GRIN2B: variants seen among roughly 807,000 people sequenced by gnomAD.
The protein encoded by GRIN2B is glutamate receptor ionotropic, NMDA 2B.
GRIN2B carries 5 observed loss-of-function variants against 114.5 expected under a neutral mutation model. The ratio of observed to expected loss-of-function variants is 0.04; its 90% CI spans 0.02 to 0.09. GRIN2B has a LOEUF of 0.09. GRIN2B is among the 10% of genes least tolerant of loss of function. GRIN2B has a pLI of 1.00. For missense variants in GRIN2B, 1,108 were observed against 1,943.5 expected, an observed-to-expected ratio of 0.57 and a Z score of 8.08; for synonymous variants, 787 against 745.1, an observed-to-expected ratio of 1.06 and a Z score of -0.92.
At chr12:13,723,141 TTG>T (rs200799612) in intron 4 of GRIN2B, among the ~76,000 whole-genome samples, 11,580 of 151,048 alleles carry the variant, frequency 0.077, 526 homozygotes, top group East Asian at 0.19. Context: ...CCTTTTTTTT[TTG>T]TTTTTTATTA....
intron 3 of GRIN2B, among the ~76,000 whole-genome samples, chr12:13,825,343 A>G (rs1282720737): frequency 6.6e-6 from 1 of 151,636 alleles, no homozygotes; most frequent in Non-Finnish European, 1.5e-5. Context: ...ATTTGATAGA[A>G]TATTTTCTAC....
intron 10 of GRIN2B, among the ~76,000 whole-genome samples, chr12:13,577,751 T>C (rs7138270): frequency 0.012 from 1,832 of 152,310 alleles, 36 homozygotes; most frequent in African/African-American, 0.041. Context: ...TTGGCAAATA[T>C]TTGCCCAGCA....
intron 5 of GRIN2B, among the ~76,000 whole-genome samples, chr12:13,630,097 A>G (rs1028009562): frequency 6.6e-6 from 1 of 152,210 alleles, no homozygotes; most frequent in Non-Finnish European, 1.5e-5. Context: ...TTTATCCCCA[A>G]TACCTAGCAT....
chr12:13,661,335 A>G (rs1171664757), intron 5 of GRIN2B, among the ~76,000 whole-genome samples: 1 of 152,150 alleles, frequency 6.6e-6, no homozygotes, highest in Non-Finnish European at 1.5e-5. Context: ...TCTGTATTTC[A>G]TTGTCTGACA....
intron 3 of GRIN2B, among the ~76,000 whole-genome samples, chr12:13,817,824 A>G (rs949396681): frequency 2.6e-5 from 4 of 152,198 alleles, no homozygotes; most frequent in Non-Finnish European, 5.9e-5. Context: ...CATTATTTCT[A>G]TACCTGAAAA....
At chr12:13,751,705 CCA>C (rs1863486172) in intron 4 of GRIN2B, among the ~76,000 whole-genome samples, 1 of 152,014 alleles carries the variant, frequency 6.6e-6, no homozygotes, top group Non-Finnish European at 1.5e-5. Context: ...CCCATGGAAT[CCA>C]AAGAAACATA....
chr12:13,841,018 A>T (rs60488466), intron 3 of GRIN2B, among the ~76,000 whole-genome samples: 5,390 of 152,306 alleles, frequency 0.035, 117 homozygotes, highest in Middle Eastern at 0.061. Context: ...TTACAAATAT[A>T]TATTGGAGCA....
rs1863103565 is a variant in GRIN2B at position 13,980,036 on chromosome 12, G to T, written c.-127C>A. The T allele has an allele frequency of 6.6e-6, 1 of 151,776 alleles. No individual in the cohort carries two copies. Among genetic ancestry groups the T allele is most frequent in the Non-Finnish European group, 1.5e-5 (1 of 67,972 alleles). 9.4% of individuals were successfully genotyped at this position (151,776 alleles called of 1,614,324 possible). ...GCATATCCACATAAGAAAGACGAAG[G>T]ATAAATGAACGGAAGATAATTTAAA... On this transcript the variant is annotated 5_prime_UTR_variant, in exon 2 of 14. Coordinates refer to ENST00000609686, the MANE Select transcript of GRIN2B (RefSeq NM_000834.5).
At chr12:13,793,226 G>C (rs1220324520) in intron 3 of GRIN2B, among the ~76,000 whole-genome samples, 1 of 152,182 alleles carries the variant, frequency 6.6e-6, no homozygotes, top group African/African-American at 2.4e-5. Flanking sequence ...CTCGAGACCA[G>C]CCTGGCCAAC....
At chr12:13,831,009 T>A (rs1185589925) in intron 3 of GRIN2B, among the ~76,000 whole-genome samples, 1 of 152,202 alleles carries the variant, frequency 6.6e-6, no homozygotes, top group Non-Finnish European at 1.5e-5. Context: ...CTTGGTGCCC[T>A]CCTCAAGGCA....
chr12:13,920,738 A>T (rs1370453959), intron 2 of GRIN2B, among the ~76,000 whole-genome samples: 2 of 152,222 alleles, frequency 1.3e-5, no homozygotes, highest in East Asian at 1.9e-4. Flanking sequence ...GACATCAGGC[A>T]TCTCCTGAGA....
intron 2 of GRIN2B, among the ~76,000 whole-genome samples, chr12:13,924,518 C>G (rs1866882129): frequency 6.6e-6 from 1 of 152,138 alleles, no homozygotes; most frequent in Non-Finnish European, 1.5e-5. Flanking sequence ...ATTCTCAACC[C>G]ACAGCACAGC....
chr12:13,577,799 C>A (rs1948796990), intron 10 of GRIN2B, among the ~76,000 whole-genome samples: 1 of 152,070 alleles, frequency 6.6e-6, no homozygotes, highest in Admixed American at 6.5e-5. Context: ...AACAGAGATA[C>A]AAAGATGAAA....
intron 2 of GRIN2B, among the ~76,000 whole-genome samples, chr12:13,879,070 A>T (rs1000495807): frequency 1.3e-5 from 2 of 152,204 alleles, no homozygotes; most frequent in Non-Finnish European, 2.9e-5. Context: ...ATTTTTACTG[A>T]CTATACAAAT....
intron 5 of GRIN2B, among the ~76,000 whole-genome samples, chr12:13,671,403 A>T (rs1025560626): frequency 3.3e-5 from 5 of 152,262 alleles, no homozygotes; most frequent in Admixed American, 1.3e-4. Context: ...TGTTGTGTTG[A>T]CTTCAAGTCT....
chr12:13,584,956 A>T (rs911362925), intron 10 of GRIN2B, among the ~76,000 whole-genome samples: 3 of 152,184 alleles, frequency 2.0e-5, no homozygotes, highest in African/African-American at 7.2e-5. Flanking sequence ...GGAGGGTACA[A>T]GGGATTGTTC....
intron 4 of GRIN2B, among the ~76,000 whole-genome samples, chr12:13,713,199 A>C (rs1232830270): frequency 6.6e-6 from 1 of 151,946 alleles, no homozygotes; most frequent in Non-Finnish European, 1.5e-5. Context: ...AAACCATTTT[A>C]AGTTAACAAC....
chr12:13,549,582 C>A lies in GRIN2B; in HGVS notation c.*13201G>T, dbSNP rs1171133610. 2 of 152,116 alleles carry A rather than the reference C, an allele frequency of 1.3e-5. No homozygotes were observed. The highest frequency in any genetic ancestry group is 2.4e-5 in the African/African-American group (1 of 41,418). 9.4% of individuals were successfully genotyped at this position (152,116 alleles called of 1,614,324 possible). ...CTGACACCTTCGGAGTATCATGACA[C>A]CCCTGCACACGTTCCTGAAGGCTCT... is the stretch of plus-strand genomic sequence containing the variant. On this transcript the variant is annotated 3_prime_UTR_variant, in exon 14 of 14. Transcript: ENST00000609686.
intron 3 of GRIN2B, among the ~76,000 whole-genome samples, chr12:13,782,787 C>A (rs1864142815): frequency 6.6e-6 from 1 of 152,220 alleles, no homozygotes; most frequent in Admixed American, 6.5e-5. Context: ...CCCCATCACA[C>A]TCCTTGCCTC....
Sources: allele counts gnomAD v4.1 joint callset (sites outside exome capture counted in the v4.1 genomes callset), GRCh38; gene constraint gnomAD v4.1.1; transcripts MANE v1.5; gene names NCBI Gene and HGNC (gene_info 2026-07-23, HGNC 2026-07-21).